YY1: variants seen among roughly 807,000 people sequenced by gnomAD.
YY1 encodes the protein transcriptional repressor protein YY1.
A neutral mutation model predicts 35.6 loss-of-function variants in YY1; 2 were observed. The observed-to-expected ratio is 0.06, with a 90% CI of 0.02 to 0.18. The LOEUF (loss-of-function observed/expected upper bound fraction) is 0.18. YY1 is among the 10% of genes least tolerant of loss of function. YY1 has a pLI of 1.00. For synonymous variants in YY1, 268 were observed against 238.9 expected (o/e 1.12, Z -1.12); for missense variants, 322 against 573.4 (o/e 0.56, Z 4.48).
At chr14:100,248,201 C>T (rs765427464) in intron 1 of YY1, among the ~76,000 whole-genome samples, 52 of 146,912 alleles carry the variant, frequency 3.5e-4, no homozygotes, top group South Asian at 8.7e-4. Context: ...CTGCAAGCTC[C>T]GCTTCCCGGG....
chr14:100,273,256 C>T (rs996098920), intron 2 of YY1, among the ~76,000 whole-genome samples: 1 of 151,962 alleles, frequency 6.6e-6, no homozygotes, highest in Non-Finnish European at 1.5e-5. Flanking sequence ...TGAGCCACTA[C>T]GCCCAGCTAT....
At position 100,278,058 on chromosome 14, in the gene YY1, T is replaced by C. The variant is rs934808006; in HGVS notation, c.*458T>C. ...ATGCTACGTGTGATTTTTCTGGAGG[T>C]TGATAACTTTGCTTGCAGTAGATTT... On this transcript the variant is annotated 3_prime_UTR_variant, in exon 5 of 5. Coordinates refer to ENST00000262238, the MANE Select transcript of YY1 (RefSeq NM_003403.5). The C allele has an allele frequency of 6.4e-6, 1 of 157,438 alleles. No individual in the cohort carries two copies. The highest frequency in any genetic ancestry group is 2.4e-5 in the African/African-American group (1 of 41,484). 9.8% of individuals were successfully genotyped at this position (157,438 alleles called of 1,614,324 possible). A position where few individuals can be genotyped will look rare whatever the true frequency, so the allele number is the denominator to read the frequency against.
At chr14:100,252,010 G>A (rs1212179565) in intron 1 of YY1, among the ~76,000 whole-genome samples, 1 of 152,204 alleles carries the variant, frequency 6.6e-6, no homozygotes, top group Non-Finnish European at 1.5e-5. Flanking sequence ...TTGAAAGGAA[G>A]AGATCTTAAT....
In YY1 at chr14:100,239,646, G is replaced by T. The variant is rs1416504827; in HGVS notation, c.402G>T (p.Pro134=). 6.2e-7 allele frequency: 1 copy of T among 1,610,752 alleles called. No individual in the cohort carries two copies. Among genetic ancestry groups the T allele is most frequent in the Admixed American group, 1.7e-5 (1 of 59,980 alleles). The change falls in exon 1 of 5, where the codon CCG becomes CCT. Residue 134 remains proline, a synonymous_variant. Transcript: ENST00000262238. ...GCTTCGAGGATCAGATTCTCATCCCGGTGCCCGCGCCGGCCGGCGGCGACG... is the reference window on the plus strand; with the variant it reads ...GCTTCGAGGATCAGATTCTCATCCCTGTGCCCGCGCCGGCCGGCGGCGACG... ...EDGFEDQILI[P]VPAPAGGDDD...
At chr14:100,242,545 C>A (rs1055110006) in intron 1 of YY1, among the ~76,000 whole-genome samples, 1 of 151,628 alleles carries the variant, frequency 6.6e-6, no homozygotes, top group Non-Finnish European at 1.5e-5. Context: ...CCCACCACCA[C>A]GCCCGGCTAA....
In YY1 at chr14:100,277,543, G is replaced by A. The variant is rs753336920; in HGVS notation, c.1188G>A (p.Gln396=). The A allele has an allele frequency of 6.2e-7, 1 of 1,614,172 alleles. No individual in the cohort carries two copies. Among genetic ancestry groups the A allele is most frequent in the South Asian group, 1.1e-5 (1 of 91,084 alleles). Residue 396 remains glutamine (Q), a synonymous_variant, in exon 5 of 5, where the codon CAG becomes CAA. Coordinates refer to ENST00000262238, the MANE Select transcript of YY1 (RefSeq NM_003403.5). The surrounding 1 kb of genome is among the most constrained non-coding windows in gnomAD (Gnocchi z 5.6). ...ATGGTTGTAATAAGAAGTTTGCTCA[G>A]TCAACTAACCTGAAATCTCACATCT... ...PFDGCNKKFA[Q]STNLKSHILT...
chr14:100,239,861 A>G lies in YY1; in HGVS notation c.617A>G (p.Glu206Gly), dbSNP rs1217595948. 2.6e-6 allele frequency: 4 copies of G among 1,518,986 alleles called. No homozygotes were observed. The highest frequency in any genetic ancestry group is 3.5e-6 in the Non-Finnish European group (4 of 1,138,464). The allele number at this position is 1,518,986 out of a possible 1,614,324, so 94.1% of individuals were successfully genotyped here. A position where few individuals can be genotyped will look rare whatever the true frequency, so the allele number is the denominator to read the frequency against. ...GCCGACCCGGGCAACAAGAAGTGGG[A>G]GCAGAAGCAGGTGCAGATCAAGACC... ...GGADPGNKKW[E>G]QKQVQIKTLE... is the part of the protein sequence containing the mutation. Residue 206 changes from glutamate (E) to glycine (G), a missense_variant, in exon 1 of 5, where the codon GAG becomes GGG. This residue lies in a region of YY1 where 152 missense variants were observed against 167.1 expected (regional missense o/e 0.91). Transcript: ENST00000262238.
intron 2 of YY1, chr14:100,264,057 G>A (rs963172046): frequency 1.3e-5 from 2 of 151,228 alleles, no homozygotes; most frequent in African/African-American, 4.9e-5. Flanking sequence ...TAGAGATGGA[G>A]TCTCACTATG....
intron 1 of YY1, among the ~76,000 whole-genome samples, chr14:100,257,479 C>G (rs978392284): frequency 1.3e-5 from 2 of 152,156 alleles, no homozygotes; most frequent in African/African-American, 4.8e-5. Flanking sequence ...GTGTTGAAAT[C>G]TTAACCCCCA....
At chr14:100,251,617 C>T (rs1302606392) in intron 1 of YY1, among the ~76,000 whole-genome samples, 1 of 152,204 alleles carries the variant, frequency 6.6e-6, no homozygotes, top group East Asian at 1.9e-4. Context: ...CCCCTTAAAC[C>T]TAGGAGAGGG....
chr14:100,265,061 CAG>C (rs1265035700), intron 2 of YY1, among the ~76,000 whole-genome samples: 2 of 151,958 alleles, frequency 1.3e-5, no homozygotes, highest in Admixed American at 1.3e-4. Context: ...GCTTGGGTGA[CAG>C]AGCAAAATTG....
chr14:100,269,919 C>G (rs1891209206), intron 2 of YY1, among the ~76,000 whole-genome samples: 1 of 152,048 alleles, frequency 6.6e-6, no homozygotes, highest in Admixed American at 6.6e-5. Flanking sequence ...TGAGACTGTT[C>G]TCTTTACTTT....
chr14:100,247,874 T>C (rs1456794674), intron 1 of YY1, among the ~76,000 whole-genome samples: 3 of 152,204 alleles, frequency 2.0e-5, no homozygotes, highest in African/African-American at 7.2e-5. Context: ...GGGGTAGCGG[T>C]ATCCTTAAAG....
chr14:100,277,898 T>C lies in YY1; in HGVS notation c.*298T>C, dbSNP rs1891347754. On this transcript the variant is annotated 3_prime_UTR_variant, in exon 5 of 5. Transcript: ENST00000262238. This position sits in a 1 kb window ranked among gnomAD's most constrained non-coding sequence, Gnocchi z 5.6. ...GAACTTCGCATCAAAAGACAATTCT[T>C]TATACAACAGTGCTAAAAATGGGAC... The C allele has an allele frequency of 2.7e-6, 1 of 368,570 alleles. No individual in the cohort carries two copies. The highest frequency in any genetic ancestry group is 3.1e-5 in the South Asian group (1 of 32,300). The allele number at this position is 368,570 out of a possible 1,614,324, so 22.8% of individuals were successfully genotyped here. A position where few individuals can be genotyped will look rare whatever the true frequency, so the allele number is the denominator to read the frequency against.
rs142264809 is a variant in YY1 at position 100,266,612 on chromosome 14, C to T, written c.842+4146C>T. Among the ~76,000 whole-genome samples, 179 of 152,196 alleles carry T rather than the reference C, an allele frequency of 1.2e-3. 1 individual carries two copies. Among genetic ancestry groups the T allele is most frequent in the African/African-American group, 3.8e-3 (158 of 41,516 alleles). On this transcript the variant is annotated intron_variant, in intron 2 of 4. Coordinates refer to ENST00000262238, the MANE Select transcript of YY1 (RefSeq NM_003403.5). ...ACCATACTCCTTAAGAAAGGGACCACCCACAGAGACTGGCACCCGGGTACC... is the reference window on the plus strand; with the variant it reads ...ACCATACTCCTTAAGAAAGGGACCATCCACAGAGACTGGCACCCGGGTACC...
chr14:100,251,918 G>C (rs1395017194), intron 1 of YY1, among the ~76,000 whole-genome samples: 1 of 152,128 alleles, frequency 6.6e-6, no homozygotes, highest in Non-Finnish European at 1.5e-5. Flanking sequence ...GTGAACTCCT[G>C]TGCCTGGCCT....
rs150587413 is a variant in YY1 at position 100,249,206 on chromosome 14, C to T, written c.679+9283C>T. ...ACGATCTCGGCTCACCTGCAACCTT[C>T]ACCTCCTGGGTTCAAGCGATTCTCC... On this transcript the variant is annotated intron_variant, in intron 1 of 4. Coordinates refer to ENST00000262238, the MANE Select transcript of YY1 (RefSeq NM_003403.5). 1.6e-4 allele frequency among the ~76,000 whole-genome samples: 22 copies of T among 139,180 alleles called. No homozygotes were observed. The East Asian group carries it at 4.5e-3, about 29-fold the overall frequency. 91.3% of individuals were successfully genotyped at this position (139,180 alleles called of 152,430 possible). A position where few individuals can be genotyped will look rare whatever the true frequency, so the allele number is the denominator to read the frequency against.
chr14:100,240,734 C>T (rs961130042), intron 1 of YY1, among the ~76,000 whole-genome samples: 2 of 152,180 alleles, frequency 1.3e-5, no homozygotes, highest in East Asian at 1.9e-4. Flanking sequence ...TCCTGCGGTA[C>T]CTAGTGGAAA....
At chr14:100,249,839 T>A (rs966393969) in intron 1 of YY1, among the ~76,000 whole-genome samples, 1 of 150,988 alleles carries the variant, frequency 6.6e-6, no homozygotes, top group African/African-American at 2.4e-5. Context: ...AGTGGCGTGA[T>A]CTCAGCTCAC....
Sources: gnomAD v4.1 joint callset for allele counts (sites outside exome capture counted in the v4.1 genomes callset) on GRCh38, gnomAD v4.1.1 for gene constraint, gnomAD v4.1.1 regional missense constraint, Gnocchi (gnomAD v3.1) non-coding constraint, MANE v1.5 for transcripts, NCBI Gene and HGNC (gene_info 2026-07-23, HGNC 2026-07-21) for gene names.